The following TMCC1 variants were observed in gnomAD, a reference collection of about 807,000 sequenced individuals.
TMCC1 encodes the protein transmembrane and coiled-coil domain family 1, also known as transmembrane and coiled-coil domains protein 1.
TMCC1 carries 15 observed loss-of-function variants against 52.4 expected under a neutral mutation model. That is an observed-to-expected ratio of 0.29 (90% confidence interval 0.19 to 0.44). The LOEUF is 0.44. TMCC1 is among the 20% of genes least tolerant of loss of function. The pLI is 1.00. For synonymous variants in TMCC1, 279 were observed against 301.9 expected (o/e 0.92, Z 0.79); for missense variants, 503 against 806.0 (o/e 0.62, Z 4.55).
intron 1 of TMCC1, among the ~76,000 whole-genome samples, chr3:129,886,843 A>G (rs2061730248): frequency 1.3e-5 from 2 of 152,064 alleles, no homozygotes; most frequent in Non-Finnish European, 1.5e-5. Flanking sequence ...AGGCTGAGGC[A>G]GGAGAATCCC....
intron 4 of TMCC1, among the ~76,000 whole-genome samples, chr3:129,763,359 A>G (rs2107683341): frequency 6.7e-6 from 1 of 150,038 alleles, no homozygotes; most frequent in East Asian, 1.9e-4. Context: ...TCTGGGCAAC[A>G]TGGTAAAACC....
At position 129,750,332 on chromosome 3, in the gene TMCC1, AG is replaced by A. The variant is rs2052380588; in HGVS notation, c.576+77470del. ...CAGCCTCCTGAGTAGCTGGGATTAC[AG>A]GCATCTGCCACCACGCCTGGCTAAT... On this transcript the variant is annotated intron_variant, in intron 4 of 6. Coordinates refer to ENST00000393238, the MANE Select transcript of TMCC1 (RefSeq NM_001017395.5). 5.3e-5 allele frequency among the ~76,000 whole-genome samples: 8 copies of A among 152,086 alleles called. No individual in the cohort carries two copies. The South Asian group carries it at 1.7e-3, about 32-fold the overall frequency.
At chr3:129,785,560 TACACACACACACACACACACACACAA>T (rs1201789177) in intron 4 of TMCC1, among the ~76,000 whole-genome samples, 4 of 146,168 alleles carry the variant, frequency 2.7e-5, no homozygotes, top group African/African-American at 5.0e-5. Context: ...TCAATATACA[TACACACACACACACACACACACACAA>T]ACACACACAC....
chr3:129,760,401 AGTGT>A (rs200322394), intron 4 of TMCC1, among the ~76,000 whole-genome samples: 84,438 of 137,578 alleles, frequency 0.61, 29,296 homozygotes, highest in Non-Finnish European at 0.79. Flanking sequence ...ACGCCAGGCT[AGTGT>A]GTGTGTGTGT....
In TMCC1 at chr3:129,761,266, T is replaced by G. The variant is rs191811208; in HGVS notation, c.576+66537A>C. 1.4e-3 allele frequency among the ~76,000 whole-genome samples: 203 copies of G among 147,376 alleles called. 2 individuals carry two copies. The East Asian group carries it at 0.037, about 27-fold the overall frequency. Reference sequence around the variant, plus strand: ...TGGCGTGAACCTGGGAGGCGGAGCTTGCAGTGAGCCGAGATGGCGCCACTG... The same window carrying G: ...TGGCGTGAACCTGGGAGGCGGAGCTGGCAGTGAGCCGAGATGGCGCCACTG... On this transcript the variant is annotated intron_variant, in intron 4 of 6. Transcript: ENST00000393238.
chr3:129,732,625 C>T (rs573272436), intron 4 of TMCC1, among the ~76,000 whole-genome samples: 1 of 152,208 alleles, frequency 6.6e-6, no homozygotes, highest in South Asian at 2.1e-4. Context: ...TTACTCTGCT[C>T]AGCCATACAA....
chr3:129,834,910 C>T (rs2059085678), intron 2 of TMCC1, among the ~76,000 whole-genome samples: 1 of 152,198 alleles, frequency 6.6e-6, no homozygotes, highest in Admixed American at 6.5e-5. Context: ...GTCATCCATA[C>T]TTCATTTAGC....
At chr3:129,814,284 T>C (rs1414801411) in intron 4 of TMCC1, among the ~76,000 whole-genome samples, 1 of 152,182 alleles carries the variant, frequency 6.6e-6, no homozygotes, top group Non-Finnish European at 1.5e-5. Flanking sequence ...CTATTTAAAG[T>C]GGCAGAATCT....
chr3:129,728,474 T>G (rs1169050700), intron 4 of TMCC1, among the ~76,000 whole-genome samples: 1 of 152,116 alleles, frequency 6.6e-6, no homozygotes, highest in Admixed American at 6.5e-5. Context: ...TTAGTAGAGA[T>G]GGGGTTTCAC....
intron 5 of TMCC1, among the ~76,000 whole-genome samples, chr3:129,663,681 A>G (rs1461820849): frequency 1.3e-5 from 2 of 152,164 alleles, no homozygotes; most frequent in Non-Finnish European, 2.9e-5. Flanking sequence ...GAAAACAGTA[A>G]ATATCTAAAT....
chr3:129,740,105 C>T (rs1480288736), intron 4 of TMCC1, among the ~76,000 whole-genome samples: 1 of 152,232 alleles, frequency 6.6e-6, no homozygotes, highest in Non-Finnish European at 1.5e-5. Flanking sequence ...CAGCTCAGGT[C>T]TTTGCAATCT....
At chr3:129,816,411 G>A (rs570031515) in intron 4 of TMCC1, among the ~76,000 whole-genome samples, 3 of 152,228 alleles carry the variant, frequency 2.0e-5, no homozygotes, top group African/African-American at 2.4e-5. Flanking sequence ...CCATAAAGAA[G>A]AATGAAATCC....
intron 3 of TMCC1, among the ~76,000 whole-genome samples, chr3:129,829,735 G>A (rs1181545343): frequency 6.6e-6 from 1 of 152,166 alleles, no homozygotes; most frequent in Non-Finnish European, 1.5e-5. Context: ...CTGGGAATAT[G>A]TGGACTTGCT....
intron 4 of TMCC1, among the ~76,000 whole-genome samples, chr3:129,722,951 T>C (rs1291226366): frequency 6.6e-6 from 1 of 152,240 alleles, no homozygotes; most frequent in Non-Finnish European, 1.5e-5. Context: ...AAAAATCTGT[T>C]TGGATCTTAA....
At chr3:129,860,176 A>C (rs1315120347) in intron 2 of TMCC1, among the ~76,000 whole-genome samples, 1 of 152,212 alleles carries the variant, frequency 6.6e-6, no homozygotes, top group Non-Finnish European at 1.5e-5. Context: ...AACCACCTAC[A>C]TATAAAAATA....
intron 4 of TMCC1, among the ~76,000 whole-genome samples, chr3:129,699,597 C>T (rs1301488662): frequency 2.6e-5 from 4 of 152,162 alleles, no homozygotes; most frequent in Non-Finnish European, 4.4e-5. Flanking sequence ...TCTTAATAAA[C>T]TTGCTTTCAC....
chr3:129,868,372 C>T (rs544136449), intron 2 of TMCC1, among the ~76,000 whole-genome samples: 1 of 152,232 alleles, frequency 6.6e-6, no homozygotes, highest in South Asian at 2.1e-4. Context: ...GAATAAATGT[C>T]TAAGCAAAAA....
intron 1 of TMCC1, among the ~76,000 whole-genome samples, chr3:129,890,071 G>T (rs1442482765): frequency 6.6e-6 from 1 of 152,134 alleles, no homozygotes; most frequent in African/African-American, 2.4e-5. Flanking sequence ...GGGATCACTT[G>T]AGGCCAGGAG....
At chr3:129,862,973 T>C (rs1173281653) in intron 2 of TMCC1, among the ~76,000 whole-genome samples, 1 of 152,202 alleles carries the variant, frequency 6.6e-6, no homozygotes, top group Non-Finnish European at 1.5e-5. Flanking sequence ...ATAGCTAAGA[T>C]GTTATTATCA....
Sources: gnomAD v4.1 joint callset for allele counts (sites outside exome capture counted in the v4.1 genomes callset) on GRCh38, gnomAD v4.1.1 for gene constraint, MANE v1.5 for transcripts, NCBI Gene and HGNC (gene_info 2026-07-23, HGNC 2026-07-21) for gene names.